SLC12A4: variants seen among roughly 807,000 people sequenced by gnomAD.
The protein encoded by SLC12A4 is solute carrier family 12 member 4.
SLC12A4 carries 84 observed loss-of-function variants against 119.2 expected under a neutral mutation model. The observed-to-expected ratio is 0.70, with a 90% confidence interval of 0.59 to 0.85. The LOEUF is 0.85. SLC12A4 is among the 40% of genes least tolerant of loss of function. SLC12A4 has a pLI of 0.00. For synonymous variants in SLC12A4, 599 were observed against 604.6 expected, an observed-to-expected ratio of 0.99 and a Z score of 0.14; for missense variants, 1,298 against 1,476.3, an observed-to-expected ratio of 0.88 and a Z score of 1.98.
intron 5 of SLC12A4, among the ~76,000 whole-genome samples, chr16:67,957,092 C>G (rs867802255): frequency 6.6e-6 from 1 of 151,942 alleles, no homozygotes. Context: ...CAACCTCTGC[C>G]TCCTGGGTTC....
At position 67,946,339 on chromosome 16, in the gene SLC12A4, G is replaced by C; in HGVS notation, c.2439C>G (p.Asp813Glu). 1 of 1,608,746 alleles carries C rather than the reference G, an allele frequency of 6.2e-7. No homozygotes were observed. Among genetic ancestry groups the C allele is most frequent in the Non-Finnish European group, 8.5e-7 (1 of 1,179,994 alleles). Residue 813 changes from aspartate to glutamate, a missense_variant and splice_region_variant, in exon 19 of 24, where the codon GAC becomes GAG. Asp to Glu is a conservative substitution (Grantham distance 45). Transcript: ENST00000316341. ...GGGCAGCCGTAGTGCAGCGCACGGT[G>C]TCTGGGGAGGAGGAGCACGGCTGAC... ...EDPRAWKTFIDTVRCTTAAHL... is the reference protein window; with the variant it reads ...EDPRAWKTFIETVRCTTAAHL...
rs866106941 is a variant in SLC12A4, at chr16:67,947,231, G to A, written c.2072+100C>T. ...TAGCATGGCCCAGGAGGGTGCCCCG[G>A]GCAGCCCCAGGATGGGGAGCCGGCA... is the stretch of plus-strand genomic sequence containing the variant. On this transcript the variant is annotated intron_variant, in intron 16 of 23. Coordinates refer to ENST00000316341, the MANE Select transcript of SLC12A4 (RefSeq NM_005072.5). The A allele has an allele frequency of 1.1e-4, 164 of 1,492,734 alleles. 2 individuals carry two copies. The South Asian group carries it at 1.7e-3, about 15-fold the overall frequency. 92.5% of individuals were successfully genotyped at this position (1,492,734 alleles called of 1,614,324 possible).
In SLC12A4 at chr16:67,950,635, G is replaced by T. The variant is rs774127587; in HGVS notation, c.1454+19C>A. 59 of 1,610,848 alleles carry T rather than the reference G, an allele frequency of 3.7e-5. No individual in the cohort carries two copies. The East Asian group carries it at 1.2e-3, about 32-fold the overall frequency. On this transcript the variant is annotated intron_variant, in intron 11 of 23. Transcript: ENST00000316341. This position sits in a 1 kb window ranked among gnomAD's most constrained non-coding sequence, Gnocchi z 4.3. ...CCAAAGCCCAGCCGCTGCTAAAGAG[G>T]GGGGCCCAGCTCACTCACTTGTCCC...
At position 67,946,353 on chromosome 16, in the gene SLC12A4, A is replaced by G; in HGVS notation, c.2438-13T>C. The G allele has an allele frequency of 6.2e-7, 1 of 1,606,288 alleles. No individual in the cohort carries two copies. Among genetic ancestry groups the G allele is most frequent in the Middle Eastern group, 1.7e-4 (1 of 6,040 alleles). ...CAGCGCACGGTGTCTGGGGAGGAGG[A>G]GCACGGCTGACCACCAGTCTGTGGC... On this transcript the variant is annotated splice_polypyrimidine_tract_variant and intron_variant, in intron 18 of 23. Coordinates refer to ENST00000316341, the MANE Select transcript of SLC12A4 (RefSeq NM_005072.5).
Position 67,945,968 on chromosome 16 carries a change from C to T in SLC12A4, c.2722G>A (p.Val908Met), listed in dbSNP as rs1438423099. 1.1e-5 allele frequency: 18 copies of T among 1,613,674 alleles called. No homozygotes were observed. The highest frequency in any genetic ancestry group is 8.5e-7 in the Non-Finnish European group (1 of 1,179,772). Residue 908 changes from valine (V) to methionine (M), a missense_variant, in exon 20 of 24, where the codon GTG (valine) becomes ATG (methionine). Coordinates refer to ENST00000316341, the MANE Select transcript of SLC12A4 (RefSeq NM_005072.5). ...FLYHLRLEAE[V>M]EVVEMHNSDI... ...GGGCTCACCATCTCCACCACCTCCACCTCGGCCTCAAGGCGCAGATGGTAC... is the reference window on the plus strand; with the variant it reads ...GGGCTCACCATCTCCACCACCTCCATCTCGGCCTCAAGGCGCAGATGGTAC...
At position 67,961,613 on chromosome 16, in the gene SLC12A4, C is replaced by T; in HGVS notation, c.304G>A (p.Ala102Thr). ...CGGCGGGTGCCCTCCCCACTCTCGGCCTCCTCATGCTCTTTGGCGCCCTGG... is the reference window on the plus strand; with the variant it reads ...CGGCGGGTGCCCTCCCCACTCTCGGTCTCCTCATGCTCTTTGGCGCCCTGG... ...LTQGAKEHEE[A>T]ESGEGTRRRA... The change falls in exon 3 of 24, where the codon GCC becomes ACC. Residue 102 changes from alanine (A) to threonine (T), a missense_variant. By Grantham distance (58) the Ala-to-Thr change is moderately conservative. Transcript: ENST00000316341. 2 of 1,614,054 alleles carry T rather than the reference C, an allele frequency of 1.2e-6. No homozygotes were observed. The highest frequency in any genetic ancestry group is 1.7e-6 in the Non-Finnish European group (2 of 1,180,026).
chr16:67,945,723 C>A, intron 21 of SLC12A4, 41 bp downstream of exon 21: 3 of 1,590,638 alleles, frequency 1.9e-6, no homozygotes, highest in Non-Finnish European at 8.6e-7. Flanking sequence ...AAAGGCCTGA[C>A]CCTGCCACCC....
chr16:67,961,058 A>G (rs771670739), intron 3 of SLC12A4, among the ~76,000 whole-genome samples: 1 of 151,782 alleles, frequency 6.6e-6, no homozygotes, highest in Non-Finnish European at 1.5e-5. Context: ...ACTCTTAGCC[A>G]GCCTCACACA....
Position 67,953,560 on chromosome 16 carries a change from T to A in SLC12A4, c.675+1083A>T, listed in dbSNP as rs1203028147. Among the ~76,000 whole-genome samples, 3 of 152,126 alleles carry A rather than the reference T, an allele frequency of 2.0e-5. No homozygotes were observed. In the East Asian group the frequency reaches 5.8e-4, roughly 29 times the overall value. On this transcript the variant is annotated intron_variant, in intron 6 of 23. Transcript: ENST00000316341. ...GCGGGGAATGGAGAGTGACTGCTAA[T>A]GGGGGTTCTTGGGATGATGAAAATG...
intron 14 of SLC12A4, 92 bp from the exon 15 acceptor site, chr16:67,947,880 G>C: frequency 1.3e-6 from 2 of 1,521,380 alleles, no homozygotes; most frequent in South Asian, 2.5e-5. Flanking sequence ...TCAGGTCCCG[G>C]GTGGGAGGTC....
At chr16:67,958,626 C>T (rs1045693705) in intron 3 of SLC12A4, among the ~76,000 whole-genome samples, 1 of 152,096 alleles carries the variant, frequency 6.6e-6, no homozygotes, top group African/African-American at 2.4e-5. Context: ...AATCTCATCA[C>T]CCATGCTGAA....
intron 6 of SLC12A4, among the ~76,000 whole-genome samples, chr16:67,953,014 C>T (rs1326074177): frequency 6.6e-6 from 1 of 152,004 alleles, no homozygotes. Context: ...AGGAGAATCA[C>T]TTCAGTCTCG....
chr16:67,963,349 A>C (rs2030684059), intron 2 of SLC12A4, 116 bp downstream of exon 2: 1 of 612,182 alleles, frequency 1.6e-6, no homozygotes, highest in South Asian at 2.3e-5. Flanking sequence ...GAGAACCAGG[A>C]ACACAAGAGG....
At chr16:67,952,610 C>T (rs1488526157) in intron 6 of SLC12A4, among the ~76,000 whole-genome samples, 185 bp from the exon 7 acceptor site, 1 of 150,746 alleles carries the variant, frequency 6.6e-6, no homozygotes, top group Non-Finnish European at 1.5e-5. Context: ...ACTAGCCTGG[C>T]CAACATGGGG....
At position 67,950,848 on chromosome 16, in the gene SLC12A4, G is replaced by A. The variant is rs2151328609; in HGVS notation, c.1396+114C>T. 1.4e-6 allele frequency: 2 copies of A among 1,425,930 alleles called. No homozygotes were observed. The highest frequency in any genetic ancestry group is 2.4e-5 in the South Asian group (2 of 83,498). The allele number at this position is 1,425,930 out of a possible 1,614,324, so 88.3% of individuals were successfully genotyped here. On this transcript the variant is annotated intron_variant, in intron 10 of 23. Transcript: ENST00000316341. The surrounding 1 kb of genome is among the most constrained non-coding windows in gnomAD (Gnocchi z 4.3). The stretch of plus-strand genomic sequence containing the variant: ...GGTGTGTATGTGCATGTGTGCATGA[G>A]AAGGGGAGCTATATATGAGTGTGTG...
At chr16:67,966,130 C>T (rs939684896) in intron 1 of SLC12A4, among the ~76,000 whole-genome samples, 7 of 152,220 alleles carry the variant, frequency 4.6e-5, no homozygotes, top group Non-Finnish European at 7.3e-5. Flanking sequence ...ACTCCCTGTG[C>T]GGCCTTGGTT....
At chr16:67,963,825 C>CGT in intron 1 of SLC12A4, 1 of 1,441,952 alleles carries the variant, frequency 6.9e-7, no homozygotes, top group Non-Finnish European at 9.3e-7. Flanking sequence ...AGCACAAGCA[C>CGT]GTATGGACAC....
chr16:67,945,811 G>A lies in SLC12A4; in HGVS notation c.2800C>T (p.Gln934Ter). 6.2e-7 allele frequency: 1 copy of A among 1,613,900 alleles called. No homozygotes were observed. ...GTCAGTCTCATCTGCCGCAGCATCTGCGACCGCTGCTCCATCATCAGCGTC... is the reference window on the plus strand; with the variant it reads ...GTCAGTCTCATCTGCCGCAGCATCTACGACCGCTGCTCCATCATCAGCGTC... Reference protein sequence around the residue: ...ERTLMMEQRSQMLRQMRLTKT... With the variant: ...ERTLMMEQRS Residue 934 changes from glutamine (Q) to a stop codon, truncating the protein, a stop_gained, in exon 21 of 24, where the codon CAG (glutamine) becomes TAG (stop). Transcript: ENST00000316341. LOFTEE classifies it high-confidence loss of function.
At chr16:67,965,398 C>T (rs928313505) in intron 1 of SLC12A4, among the ~76,000 whole-genome samples, 3 of 152,164 alleles carry the variant, frequency 2.0e-5, no homozygotes, top group African/African-American at 7.2e-5. Flanking sequence ...TCTCTTTCTG[C>T]TTTGGCTGCC....
Sources: allele counts gnomAD v4.1 joint callset (sites outside exome capture counted in the v4.1 genomes callset), GRCh38; gene constraint gnomAD v4.1.1; non-coding constraint Gnocchi (gnomAD v3.1); transcripts MANE v1.5; gene names NCBI Gene and HGNC (gene_info 2026-07-23, HGNC 2026-07-21).